Variants in ENOX1 observed in about 807,000 individuals in gnomAD.
The protein encoded by ENOX1 is candidate growth-related and time keeping constitutive hydroquinone (NADH) oxidase.
Under a neutral mutation model 82.5 loss-of-function variants are expected in ENOX1, and 42 were observed. The ratio of observed to expected loss-of-function variants is 0.51; its 90% CI spans 0.40 to 0.66. The LOEUF is 0.66. ENOX1 is among the 30% of genes least tolerant of loss of function. The pLI is 0.00. For synonymous variants in ENOX1, 271 were observed against 282.2 expected, an observed-to-expected ratio of 0.96 and a Z score of 0.40; for missense variants, 608 against 811.6, an observed-to-expected ratio of 0.75 and a Z score of 3.05.
At chr13:43,330,686 T>C (rs548984757) in intron 9 of ENOX1, among the ~76,000 whole-genome samples, 2 of 152,228 alleles carry the variant, frequency 1.3e-5, no homozygotes, top group South Asian at 2.1e-4. Context: ...GATATCACAG[T>C]AGAGCCCCTA....
chr13:43,494,746 A>C lies in ENOX1; in HGVS notation c.-218-10594T>G, dbSNP rs9594958. On this transcript the variant is annotated intron_variant, in intron 2 of 16. Coordinates refer to ENST00000690772, the MANE Select transcript of ENOX1 (RefSeq NM_001347969.2). ...CTTTAGAGCAGAAGTATCAGATTTC[A>C]ATTAAAAGTGTTTTTGAAGATGAAC... Among the ~76,000 whole-genome samples, 1,473 of 152,310 alleles carry C rather than the reference A, an allele frequency of 9.7e-3. 12 individuals carry two copies. The highest frequency in any genetic ancestry group is 0.012 in the Non-Finnish European group (849 of 68,026).
rs2078471211 is a variant in ENOX1, at chr13:43,536,598, T to A, written c.-218-52446A>T. Among the ~76,000 whole-genome samples, 5 of 152,126 alleles carry A rather than the reference T, an allele frequency of 3.3e-5. 1 individual carries two copies. In the South Asian group the frequency reaches 1.0e-3, roughly 32 times the overall value. On this transcript the variant is annotated intron_variant, in intron 2 of 16. Transcript: ENST00000690772. ...TTTCTCAACTCTATAAATGCTTCTT[T>A]AAGAAAAATATACATTCCAAACCAG...
intron 14 of ENOX1, among the ~76,000 whole-genome samples, chr13:43,256,243 G>A (rs562022167): frequency 2.0e-5 from 3 of 152,274 alleles, no homozygotes; most frequent in South Asian, 2.1e-4. Context: ...ACTGGTCTAC[G>A]CAAAGATTTT....
chr13:43,339,312 C>G (rs891415968), intron 9 of ENOX1, among the ~76,000 whole-genome samples: 2 of 152,148 alleles, frequency 1.3e-5, no homozygotes, highest in African/African-American at 4.8e-5. Flanking sequence ...GCCTATGGAT[C>G]CTTTCCAAAT....
chr13:43,614,998 T>C (rs1386621542), intron 2 of ENOX1, among the ~76,000 whole-genome samples: 3 of 152,132 alleles, frequency 2.0e-5, no homozygotes, highest in South Asian at 2.1e-4. Flanking sequence ...GGTATAAAAT[T>C]TGAATATATT....
intron 2 of ENOX1, among the ~76,000 whole-genome samples, chr13:43,585,006 C>T (rs1347194253): frequency 4.6e-5 from 7 of 152,172 alleles, no homozygotes; most frequent in African/African-American, 1.4e-4. Context: ...TCCTAATCCC[C>T]ATAATCTTTG....
chr13:43,513,411 G>T (rs774684169), intron 2 of ENOX1, among the ~76,000 whole-genome samples: 24 of 152,112 alleles, frequency 1.6e-4, no homozygotes, highest in Non-Finnish European at 2.8e-4. Flanking sequence ...GTGAGCACAG[G>T]CTGGGACTAT....
At chr13:43,463,488 C>A (rs1049125025) in intron 3 of ENOX1, among the ~76,000 whole-genome samples, 2 of 152,168 alleles carry the variant, frequency 1.3e-5, no homozygotes, top group African/African-American at 4.8e-5. Context: ...CTGGGAAGAG[C>A]TGGGCCACCT....
intron 2 of ENOX1, among the ~76,000 whole-genome samples, chr13:43,582,581 CT>C (rs1170133800): frequency 1.3e-5 from 2 of 150,608 alleles, no homozygotes; most frequent in Admixed American, 1.3e-4. Flanking sequence ...ATTTCTTTTT[CT>C]TTTTTTTTGG....
intron 2 of ENOX1, 55 bp downstream of exon 2, chr13:43,667,424 C>T (rs1223994999): frequency 1.0e-6 from 1 of 981,610 alleles, no homozygotes; most frequent in African/African-American, 1.7e-5. Flanking sequence ...CATCCCTTCC[C>T]ATATGGTGAC....
intron 1 of ENOX1, among the ~76,000 whole-genome samples, chr13:43,724,082 A>G (rs906529643): frequency 2.6e-5 from 4 of 152,224 alleles, no homozygotes; most frequent in African/African-American, 9.6e-5. Flanking sequence ...CATACATGAC[A>G]TCACATTAGG....
At chr13:43,462,694 C>A (rs1338677866) in intron 3 of ENOX1, among the ~76,000 whole-genome samples, 1 of 152,118 alleles carries the variant, frequency 6.6e-6, no homozygotes, top group African/African-American at 2.4e-5. Flanking sequence ...TTTGGGATGC[C>A]ATGTGCCTAG....
intron 2 of ENOX1, among the ~76,000 whole-genome samples, chr13:43,584,489 G>A (rs9525806): frequency 0.43 from 65,111 of 151,936 alleles, 14,258 homozygotes; most frequent in East Asian, 0.76. Context: ...AGGTTTGCTA[G>A]GAACAGAATA....
At chr13:43,756,677 A>ATT (rs1950658899) in intron 1 of ENOX1, among the ~76,000 whole-genome samples, 1 of 152,110 alleles carries the variant, frequency 6.6e-6, no homozygotes, top group African/African-American at 2.4e-5. Flanking sequence ...TCCAGTGCCT[A>ATT]GTACTTAGTA....
intron 11 of ENOX1, among the ~76,000 whole-genome samples, chr13:43,303,137 T>A (rs891285180): frequency 6.6e-6 from 1 of 152,202 alleles, no homozygotes; most frequent in Non-Finnish European, 1.5e-5. Context: ...GAAAGTCTTT[T>A]TCAAGAATTT....
chr13:43,224,996 C>T (rs955296123), intron 15 of ENOX1, among the ~76,000 whole-genome samples: 11 of 152,004 alleles, frequency 7.2e-5, no homozygotes, highest in African/African-American at 9.7e-5. Flanking sequence ...TTGTTATTCA[C>T]GATAGCAAAA....
chr13:43,619,037 T>G (rs1476282976), intron 2 of ENOX1, among the ~76,000 whole-genome samples: 1 of 151,520 alleles, frequency 6.6e-6, no homozygotes, highest in Non-Finnish European at 1.5e-5. Flanking sequence ...GATTTGATTT[T>G]CTAGCCACTG....
At chr13:43,675,203 A>C (rs74064303) in intron 1 of ENOX1, among the ~76,000 whole-genome samples, 4 of 152,200 alleles carry the variant, frequency 2.6e-5, no homozygotes, top group Non-Finnish European at 5.9e-5. Context: ...TCTAGTCTAC[A>C]GTAGTAGCAA....
intron 1 of ENOX1, among the ~76,000 whole-genome samples, chr13:43,677,323 G>A (rs531212395): frequency 1.5e-4 from 23 of 152,262 alleles, no homozygotes; most frequent in Non-Finnish European, 3.1e-4. Context: ...AAGAGCACAT[G>A]AGTGAGAGTG....
Sources: gnomAD v4.1 joint callset for allele counts (sites outside exome capture counted in the v4.1 genomes callset) on GRCh38, gnomAD v4.1.1 for gene constraint, MANE v1.5 for transcripts, NCBI Gene and HGNC (gene_info 2026-07-23, HGNC 2026-07-21) for gene names.